The following CSMD3 variants were observed in gnomAD, a reference collection of about 807,000 sequenced individuals.
CSMD3 encodes the protein CUB and Sushi multiple domains 3, also known as CUB and sushi domain-containing protein 3.
Under a neutral mutation model 435.2 loss-of-function variants are expected in CSMD3, and 177 were observed. The observed-to-expected ratio is 0.41, with a 90% CI of 0.36 to 0.46. The LOEUF (loss-of-function observed/expected upper bound fraction) is 0.46. Ranked by LOEUF, CSMD3 falls within the 20% of genes least tolerant of loss-of-function variation. CSMD3 has a pLI of 0.34. For synonymous variants in CSMD3, 1,656 were observed against 1,520.5 expected (o/e 1.09, Z -2.07); for missense variants, 4,265 against 4,504.6 (o/e 0.95, Z 1.52).
At chr8:112,942,449 C>T (rs2130773102) in intron 9 of CSMD3, among the ~76,000 whole-genome samples, 1 of 151,810 alleles carries the variant, frequency 6.6e-6, no homozygotes, top group African/African-American at 2.4e-5. Flanking sequence ...ATAGCAAAGA[C>T]ATGGAATCAA....
chr8:113,163,506 T>C (rs898127236), intron 4 of CSMD3, among the ~76,000 whole-genome samples: 7 of 135,884 alleles, frequency 5.2e-5, no homozygotes, highest in African/African-American at 1.9e-4. Context: ...AAATTAATAT[T>C]GAATTTTCTA....
At chr8:112,520,481 C>A (rs2131009251) in intron 27 of CSMD3, among the ~76,000 whole-genome samples, 1 of 152,000 alleles carries the variant, frequency 6.6e-6, no homozygotes, top group South Asian at 2.1e-4. Flanking sequence ...AACATAAAGC[C>A]ATATCCTACT....
At chr8:112,359,625 C>T (rs1421260034) in intron 38 of CSMD3, among the ~76,000 whole-genome samples, 1 of 152,030 alleles carries the variant, frequency 6.6e-6, no homozygotes, top group Non-Finnish European at 1.5e-5. Flanking sequence ...AACTGGATGA[C>T]ATTTAACAAT....
chr8:113,223,272 T>C (rs1490655328), intron 3 of CSMD3, among the ~76,000 whole-genome samples: 1 of 150,632 alleles, frequency 6.6e-6, no homozygotes, highest in Non-Finnish European at 1.5e-5. Context: ...CAATGAAATT[T>C]ACTATAAATT....
In CSMD3 at chr8:112,419,164, C is replaced by T. The variant is rs1032842502; in HGVS notation, c.5396-10132G>A. Among the ~76,000 whole-genome samples the T allele has an allele frequency of 5.9e-4, 90 of 152,076 alleles. 3 individuals carry two copies. The highest frequency in any genetic ancestry group is 6.6e-5 in the Admixed American group (1 of 15,244). ...CTACATATCAGTTAGATTCCAGGCA[C>T]TTATGGTTATTATCATAGTACAATA... On this transcript the variant is annotated intron_variant, in intron 32 of 70. Coordinates refer to ENST00000297405, the MANE Select transcript of CSMD3 (RefSeq NM_198123.2).
At chr8:112,976,199 T>C (rs1264383422) in intron 6 of CSMD3, 51 bp from the exon 7 acceptor site, 4 of 1,587,246 alleles carry the variant, frequency 2.5e-6, no homozygotes, top group South Asian at 2.2e-5. Flanking sequence ...TAAATTTTGT[T>C]TATTTTTTCT....
At chr8:112,918,443 T>G (rs1418909839) in intron 10 of CSMD3, among the ~76,000 whole-genome samples, 1 of 151,836 alleles carries the variant, frequency 6.6e-6, no homozygotes, top group Non-Finnish European at 1.5e-5. Context: ...AATTTGCCAT[T>G]TTTTTCTTCA....
chr8:112,345,741 G>C, intron 41 of CSMD3, among the ~76,000 whole-genome samples: 1 of 151,920 alleles, frequency 6.6e-6, no homozygotes, highest in Non-Finnish European at 1.5e-5. Flanking sequence ...AAAAATATTA[G>C]AGATAATATA....
intron 9 of CSMD3, among the ~76,000 whole-genome samples, chr8:112,927,858 C>T (rs1167927239): frequency 3.3e-5 from 5 of 152,216 alleles, no homozygotes; most frequent in African/African-American, 1.2e-4. Context: ...TTTCTTTACA[C>T]TGTTGGTTAT....
At chr8:112,463,749 C>A (rs946938549) in intron 32 of CSMD3, among the ~76,000 whole-genome samples, 22 of 152,214 alleles carry the variant, frequency 1.4e-4, no homozygotes, top group African/African-American at 4.6e-4. Flanking sequence ...AGAGAAACAA[C>A]TCTTACTGTG....
intron 4 of CSMD3, among the ~76,000 whole-genome samples, chr8:113,150,152 G>A (rs2091773529): frequency 6.6e-6 from 1 of 151,776 alleles, no homozygotes; most frequent in Admixed American, 6.6e-5. Flanking sequence ...ATACACTTTT[G>A]TATAATCCAC....
chr8:112,383,111 A>G (rs1489610592), intron 37 of CSMD3, among the ~76,000 whole-genome samples: 1 of 152,194 alleles, frequency 6.6e-6, no homozygotes, highest in Non-Finnish European at 1.5e-5. Flanking sequence ...CACTAATTTT[A>G]TATAATTTTA....
intron 7 of CSMD3, among the ~76,000 whole-genome samples, chr8:112,962,546 A>T (rs2130869844): frequency 6.6e-6 from 1 of 151,964 alleles, no homozygotes; most frequent in Admixed American, 6.6e-5. Context: ...AAAAAAAAAT[A>T]CAGAAAGAAA....
At chr8:112,453,884 A>G (rs933779085) in intron 32 of CSMD3, among the ~76,000 whole-genome samples, 10 of 152,200 alleles carry the variant, frequency 6.6e-5, no homozygotes, top group Admixed American at 4.6e-4. Context: ...TACGGTAACC[A>G]AAACAGCATG....
chr8:112,419,454 C>G (rs1420690479), intron 32 of CSMD3, among the ~76,000 whole-genome samples: 1 of 152,178 alleles, frequency 6.6e-6, no homozygotes, highest in Non-Finnish European at 1.5e-5. Context: ...AATGATTTGA[C>G]TATGGTACCC....
At position 112,734,395 on chromosome 8, in the gene CSMD3, G is replaced by C. The variant is rs1180543493; in HGVS notation, c.1973-44345C>G. The stretch of plus-strand genomic sequence containing the variant: ...GTCATTGTTAAACACTAGTAAATTG[G>C]CAAAAAGTCAATTCAGAAGGTTACA... On this transcript the variant is annotated intron_variant, in intron 13 of 70. Transcript: ENST00000297405. 2.0e-5 allele frequency among the ~76,000 whole-genome samples: 3 copies of C among 151,952 alleles called. No individual in the cohort carries two copies. The East Asian group carries it at 5.8e-4, about 29-fold the overall frequency.
chr8:112,861,644 T>G (rs2080829697), intron 10 of CSMD3, among the ~76,000 whole-genome samples: 1 of 151,950 alleles, frequency 6.6e-6, no homozygotes, highest in South Asian at 2.1e-4. Flanking sequence ...TGTAATGGAT[T>G]ATACATTTCA....
intron 5 of CSMD3, among the ~76,000 whole-genome samples, chr8:113,064,036 G>A (rs1244043482): frequency 6.6e-6 from 1 of 151,034 alleles, no homozygotes; most frequent in African/African-American, 2.4e-5. Flanking sequence ...ATATATTAAA[G>A]GACTCGCCTA....
intron 30 of CSMD3, among the ~76,000 whole-genome samples, chr8:112,496,114 A>G (rs1320138430): frequency 2.6e-5 from 4 of 151,758 alleles, no homozygotes; most frequent in Non-Finnish European, 5.9e-5. Context: ...GGACTACAGG[A>G]GCCCGCCACC....
Sources: allele counts gnomAD v4.1 joint callset (sites outside exome capture counted in the v4.1 genomes callset), GRCh38; gene constraint gnomAD v4.1.1; transcripts MANE v1.5; gene names NCBI Gene and HGNC (gene_info 2026-07-23, HGNC 2026-07-21).